TARDBP: variants seen among roughly 807,000 people sequenced by gnomAD.
TARDBP encodes the protein TAR DNA-binding protein 43.
TARDBP carries 4 observed loss-of-function variants against 38.3 expected under a neutral mutation model. The ratio of observed to expected loss-of-function variants is 0.10; its 90% confidence interval spans 0.05 to 0.24. TARDBP has a LOEUF of 0.24. Ranked by LOEUF, TARDBP falls within the 10% of genes least tolerant of loss-of-function variation. The probability of loss-of-function intolerance (pLI) is 1.00; values close to 1 mark genes in which losing one functional copy is unlikely to be tolerated. For synonymous variants in TARDBP, 184 were observed against 183.8 expected, an observed-to-expected ratio of 1.00 and a Z score of -0.01; for missense variants, 202 against 521.9, an observed-to-expected ratio of 0.39 and a Z score of 5.97.
At chr1:11,012,918 G>A (rs1170005196) in intron 1 of TARDBP, among the ~76,000 whole-genome samples, 175 bp downstream of exon 1, 1 of 152,240 alleles carries the variant, frequency 6.6e-6, no homozygotes, top group Non-Finnish European at 1.5e-5. Context: ...CTGGCACGGG[G>A]AGGCCGGTGG....
chr1:11,028,844 G>A (rs1224173868), downstream of TARDBP, among the ~76,000 whole-genome samples: 1 of 151,352 alleles, frequency 6.6e-6, no homozygotes, highest in Non-Finnish European at 1.5e-5. Context: ...CTCCTGAGTA[G>A]CTGGGACTAC....
At chr1:11,019,630 A>T (rs1209531103) in intron 4 of TARDBP, among the ~76,000 whole-genome samples, 10 of 151,980 alleles carry the variant, frequency 6.6e-5, no homozygotes, top group African/African-American at 2.2e-4. Flanking sequence ...GCAGTGGTGC[A>T]ATCTCAGCTC....
rs1643608105 is a variant in TARDBP at position 11,020,162 on chromosome 1, G to A, written c.544-267G>A. On this transcript the variant is annotated intron_variant, in intron 4 of 5. Coordinates refer to ENST00000240185, the MANE Select transcript of TARDBP (RefSeq NM_007375.4). ...GGTGTCAGCCACCACACCTGGCCACGATGATGAAATTGTGTAATGGCTCAT... is the reference window on the plus strand; with the variant it reads ...GGTGTCAGCCACCACACCTGGCCACAATGATGAAATTGTGTAATGGCTCAT... 2.0e-5 allele frequency among the ~76,000 whole-genome samples: 3 copies of A among 152,104 alleles called. No homozygotes were observed. The South Asian group carries it at 6.2e-4, about 31-fold the overall frequency.
chr1:11,021,594 A>G lies in TARDBP; in HGVS notation c.715-530A>G, dbSNP rs186928505. Among the ~76,000 whole-genome samples the G allele has an allele frequency of 1.5e-3, 231 of 151,640 alleles. 2 individuals carry two copies. Among genetic ancestry groups the G allele is most frequent in the Non-Finnish European group, 1.9e-3 (131 of 67,856 alleles). ...CTCCTGCTCCCGGCCCATTTTTTAA[A>G]TTATTATTTTGAGACAGGGTCTCAC... On this transcript the variant is annotated intron_variant, in intron 5 of 5. Coordinates refer to ENST00000240185, the MANE Select transcript of TARDBP (RefSeq NM_007375.4).
downstream of TARDBP, chr1:11,026,856 T>C (rs532150657): frequency 1.4e-5 from 20 of 1,454,556 alleles, no homozygotes; most frequent in East Asian, 3.8e-4. Flanking sequence ...TTTCTAAAAA[T>C]GAAGAATCCT....
chr1:11,018,624 C>T (rs143585777), intron 3 of TARDBP, 109 bp from the exon 4 acceptor site: 1 of 1,494,746 alleles, frequency 6.7e-7, no homozygotes, highest in Non-Finnish European at 9.3e-7. Context: ...AGTTTTAAGC[C>T]ACTGCATCCA....
chr1:11,030,091 A>G (rs1643816978), downstream of TARDBP: 9 of 942,812 alleles, frequency 9.5e-6, no homozygotes, highest in African/African-American at 1.7e-5. Context: ...ATTTCTGCCT[A>G]CCACAGCTAA....
chr1:11,018,932 A>G (rs546512906), intron 4 of TARDBP, 59 bp downstream of exon 4: 82 of 1,610,726 alleles, frequency 5.1e-5, no homozygotes, highest in Admixed American at 6.7e-5. Context: ...GGATTGTAAG[A>G]TAAAATGTTA....
chr1:11,013,994 T>C (rs1643466264), intron 2 of TARDBP, 29 bp downstream of exon 2: 5 of 1,605,074 alleles, frequency 3.1e-6, no homozygotes, highest in African/African-American at 1.3e-5. Context: ...TTTGTAATCA[T>C]GCTGAAGTGT....
chr1:11,021,931 A>G (rs1219996169), intron 5 of TARDBP, among the ~76,000 whole-genome samples, 193 bp from the exon 6 acceptor site: 1 of 152,196 alleles, frequency 6.6e-6, no homozygotes, highest in Non-Finnish European at 1.5e-5. Context: ...TCTTTTGAAA[A>G]TCGACTGAAA....
chr1:11,019,483 T>G (rs1425448453), intron 4 of TARDBP, among the ~76,000 whole-genome samples: 1 of 152,142 alleles, frequency 6.6e-6, no homozygotes, highest in East Asian at 1.9e-4. Flanking sequence ...ACTTGAAAGT[T>G]TGTGGCCTGG....
chr1:11,020,750 C>CAA (rs57781131), intron 5 of TARDBP, 151 bp downstream of exon 5: 322 of 501,108 alleles, frequency 6.4e-4, no homozygotes, highest in Middle Eastern at 1.8e-3. Flanking sequence ...TATTAAAATA[C>CAA]AAAAAAAAAA....
At chr1:11,028,988 T>G (rs1029776205), downstream of TARDBP, among the ~76,000 whole-genome samples, 6 of 147,020 alleles carry the variant, frequency 4.1e-5, no homozygotes, top group African/African-American at 1.3e-4. Context: ...GCTGACTTTT[T>G]TTTTCTTTTT....
downstream of TARDBP, chr1:11,027,317 T>A (rs946376123): frequency 1.2e-6 from 2 of 1,614,074 alleles, no homozygotes; most frequent in Non-Finnish European, 1.7e-6. Flanking sequence ...TGCTATTGAT[T>A]ACAACTTTGT....
At chr1:11,013,531 A>G (rs955184708) in intron 1 of TARDBP, among the ~76,000 whole-genome samples, 185 bp from the exon 2 acceptor site, 1 of 152,218 alleles carries the variant, frequency 6.6e-6, no homozygotes, top group African/African-American at 2.4e-5. Context: ...GAGGCATCAC[A>G]TTTTGATAGG....
intron 1 of TARDBP, among the ~76,000 whole-genome samples, chr1:11,012,945 C>T (rs1643438141): frequency 6.6e-6 from 1 of 151,896 alleles, no homozygotes; most frequent in African/African-American, 2.4e-5. Context: ...AACGGGGGGC[C>T]GGGCCCGCGG....
downstream of TARDBP, chr1:11,027,756 A>G: frequency 8.5e-7 from 1 of 1,172,056 alleles, no homozygotes. Flanking sequence ...CAAAAATTAT[A>G]TTACATGAAT....
chr1:11,027,093 C>G (rs764932450), downstream of TARDBP: 60 of 1,603,440 alleles, frequency 3.7e-5, no homozygotes, highest in Non-Finnish European at 5.0e-5. Context: ...TAAGCCAGCA[C>G]AAAGCATGTT....
downstream of TARDBP, among the ~76,000 whole-genome samples, chr1:11,028,697 G>GTTTGTTT (rs1643781737): frequency 2.8e-5 from 1 of 36,178 alleles, no homozygotes; most frequent in African/African-American, 1.3e-4. Flanking sequence ...ATCTTTCTGG[G>GTTTGTTT]TTTTTTTTCT....
Sources: allele counts gnomAD v4.1 joint callset (sites outside exome capture counted in the v4.1 genomes callset), GRCh38; gene constraint gnomAD v4.1.1; transcripts MANE v1.5; gene names NCBI Gene and HGNC (gene_info 2026-07-23, HGNC 2026-07-21).